The following RBM14 variants were observed in gnomAD, a reference collection of about 807,000 sequenced individuals.
RBM14 encodes RNA binding motif protein 14, also known as RNA-binding protein 14.
RBM14 carries 5 observed loss-of-function variants against 52.8 expected under a neutral mutation model. The observed-to-expected ratio is 0.09, with a 90% confidence interval of 0.05 to 0.20. RBM14 has a LOEUF of 0.20. Ranked by LOEUF, RBM14 falls within the 10% of genes least tolerant of loss-of-function variation. The pLI, the probability that RBM14 is intolerant of heterozygous loss-of-function variation, is 1.00. For missense variants in RBM14, 780 were observed against 926.6 expected (o/e 0.84, Z 2.05); for synonymous variants, 411 against 401.8 (o/e 1.02, Z -0.28).
Position 66,626,575 on chromosome 11 carries a change from C to T in RBM14, c.1917C>T (p.Pro639=), listed in dbSNP as rs776029598. Residue 639 remains proline, a synonymous_variant, in exon 3 of 3, where the codon CCC becomes CCT. Transcript: ENST00000310137. ...TKSSLDYRRL[P]DAHSDYARYS... is the part of the protein sequence containing the mutation. ...CCTCGCTGGATTACCGTCGCCTGCC[C>T]GATGCCCATTCCGATTACGCACGCT... 13 of 1,613,850 alleles carry T rather than the reference C, an allele frequency of 8.1e-6. No individual in the cohort carries two copies. Among genetic ancestry groups the T allele is most frequent in the Admixed American group, 3.3e-5 (2 of 60,012 alleles).
At position 66,625,001 on chromosome 11, in the gene RBM14, C is replaced by T. The variant is rs757435401; in HGVS notation, c.1125C>T (p.Gly375=). ...YNTQGAASSL[G]SYGAQAASYG... is the part of the protein sequence containing the mutation. ...CCCAGGGAGCAGCTTCCTCCTTAGGCTCCTACGGGGCTCAGGCAGCCTCCT... is the reference window on the plus strand; with the variant it reads ...CCCAGGGAGCAGCTTCCTCCTTAGGTTCCTACGGGGCTCAGGCAGCCTCCT... The change falls in exon 2 of 3, where the codon GGC becomes GGT. Residue 375 remains glycine (G), a synonymous_variant. Transcript: ENST00000310137. The surrounding 1 kb of genome is among the most constrained non-coding windows in gnomAD (Gnocchi z 4.2). 2 of 1,613,742 alleles carry T rather than the reference C, an allele frequency of 1.2e-6. No individual in the cohort carries two copies. Among genetic ancestry groups the T allele is most frequent in the South Asian group, 2.2e-5 (2 of 91,082 alleles).
rs1264924248 is a variant in RBM14 at position 66,629,531 on chromosome 11, CGGTT to C, written c.*2867_*2870del. ...TAAATTCTGCCACAGTCTGCACAGA[CGGTT>C]GGTCCTCCAGGCATATTGTCCTATT... On this transcript the variant is annotated 3_prime_UTR_variant, in exon 3 of 3. Transcript: ENST00000310137. Among the ~76,000 whole-genome samples, 3 of 152,288 alleles carry C rather than the reference CGGTT, an allele frequency of 2.0e-5. No individual in the cohort carries two copies. Among genetic ancestry groups the C allele is most frequent in the African/African-American group, 4.8e-5 (2 of 41,564 alleles).
chr11:66,626,542 G>A lies in RBM14; in HGVS notation c.1884G>A (p.Pro628=), dbSNP rs767025849. Residue 628 remains proline, a synonymous_variant, in exon 3 of 3, where the codon CCG becomes CCA. Transcript: ENST00000310137. The part of the protein sequence containing the change: ...SESQLSFRRS[P]TKSSLDYRRL... ...CGCAGCTTTCGTTCCGCCGCTCGCC[G>A]ACAAAGTCCTCGCTGGATTACCGTC... is the stretch of plus-strand genomic sequence containing the variant. 2.2e-5 allele frequency: 35 copies of A among 1,613,860 alleles called. No homozygotes were observed. Among genetic ancestry groups the A allele is most frequent in the Middle Eastern group, 1.6e-4 (1 of 6,084 alleles).
chr11:66,623,519 C>T (rs1859216690), intron 1 of RBM14, among the ~76,000 whole-genome samples: 3 of 152,196 alleles, frequency 2.0e-5, no homozygotes, highest in Non-Finnish European at 4.4e-5. Flanking sequence ...TATAAAAACT[C>T]TTGAGCATGT....
chr11:66,624,701 T>C lies in RBM14; in HGVS notation c.825T>C (p.Ala275=). The change falls in exon 2 of 3, where the codon GCT becomes GCC. Residue 275 remains alanine, a synonymous_variant. Coordinates refer to ENST00000310137, the MANE Select transcript of RBM14 (RefSeq NM_006328.4). The surrounding 1 kb of genome is among the most constrained non-coding windows in gnomAD (Gnocchi z 4.7). ...CAGCCCAGGCAGCCTCTTACCGCGC[T>C]CAGCCCTCTGTCTCCCTTGGGGCAC... The part of the protein sequence containing the change: ...PMTAQAASYR[A]QPSVSLGAPY... The C allele has an allele frequency of 6.2e-7, 1 of 1,613,294 alleles. No individual in the cohort carries two copies. Among genetic ancestry groups the C allele is most frequent in the Non-Finnish European group, 8.5e-7 (1 of 1,179,714 alleles).
chr11:66,617,604 A>T (rs760852966), intron 1 of RBM14: 87 of 979,768 alleles, frequency 8.9e-5, no homozygotes, highest in Non-Finnish European at 1.0e-4. Flanking sequence ...CTTGTCTGGC[A>T]TGGGTCTACT....
At position 66,625,326 on chromosome 11, in the gene RBM14, G is replaced by A; in HGVS notation, c.1450G>A (p.Gly484Ser). ...YGAQASMGLS[G>S]SYGAQSAAAA... ...GGCCCAAGCATCAATGGGCCTTTCA[G>A]GCTCCTATGGGGCTCAGTCGGCTGC... is the stretch of plus-strand genomic sequence containing the variant. The change falls in exon 2 of 3, where the codon GGC (glycine) becomes AGC (serine). Residue 484 changes from glycine to serine, a missense_variant. Physicochemically the swap from Gly to Ser is moderately conservative, Grantham distance 56 (BLOSUM62 0). This residue lies in a region of RBM14 where 675 missense variants were observed against 697.3 expected (regional missense o/e 0.97). Transcript: ENST00000310137. This position sits in a 1 kb window ranked among gnomAD's most constrained non-coding sequence, Gnocchi z 4.2. 6.2e-7 allele frequency: 1 copy of A among 1,609,800 alleles called. No homozygotes were observed. The highest frequency in any genetic ancestry group is 8.5e-7 in the Non-Finnish European group (1 of 1,178,202).
intron 1 of RBM14, chr11:66,620,810 C>G (rs1252417611): frequency 6.6e-6 from 1 of 151,864 alleles, no homozygotes; most frequent in Non-Finnish European, 1.5e-5. Context: ...ATAGAATAAT[C>G]AGGACTGTTA....
rs1937837770 is a variant in RBM14 at position 66,626,809 on chromosome 11, G to C, written c.*141G>C. ...CCTCTACCATGTGGGCCTTCCCCAG[G>C]AGATGATCCTGTTAAGTGTTCGGCA... On this transcript the variant is annotated 3_prime_UTR_variant, in exon 3 of 3. Transcript: ENST00000310137. The C allele has an allele frequency of 1.2e-6, 1 of 811,676 alleles. No individual in the cohort carries two copies. Among genetic ancestry groups the C allele is most frequent in the African/African-American group, 1.7e-5 (1 of 57,654 alleles). 50.3% of individuals were successfully genotyped at this position (811,676 alleles called of 1,614,324 possible).
In RBM14 at chr11:66,628,621, T is replaced by G. The variant is rs1937921919; in HGVS notation, c.*1953T>G. On this transcript the variant is annotated 3_prime_UTR_variant, in exon 3 of 3. Coordinates refer to ENST00000310137, the MANE Select transcript of RBM14 (RefSeq NM_006328.4). Reference sequence around the variant, plus strand: ...GCTTAGCTGCTCCTTTTTATTTCTTTGCAGGACTGGGAAAGCATGGGAGGA... The same window carrying G: ...GCTTAGCTGCTCCTTTTTATTTCTTGGCAGGACTGGGAAAGCATGGGAGGA... Among the ~76,000 whole-genome samples, 2 of 152,210 alleles carry G rather than the reference T, an allele frequency of 1.3e-5. No homozygotes were observed. Among genetic ancestry groups the G allele is most frequent in the Admixed American group, 6.5e-5 (1 of 15,280 alleles).
chr11:66,625,008 G>A lies in RBM14; in HGVS notation c.1132G>A (p.Gly378Arg), dbSNP rs143488712. ...AGCAGCTTCCTCCTTAGGCTCCTAC[G>A]GGGCTCAGGCAGCCTCCTATGGGGC... ...QGAASSLGSY[G>R]AQAASYGAQS... Residue 378 changes from glycine to arginine, a missense_variant, in exon 2 of 3, where the codon GGG (glycine) becomes AGG (arginine). Transcript: ENST00000310137. The surrounding 1 kb of genome is among the most constrained non-coding windows in gnomAD (Gnocchi z 4.2). 9.9e-6 allele frequency: 16 copies of A among 1,613,494 alleles called. No individual in the cohort carries two copies. Among genetic ancestry groups the A allele is most frequent in the African/African-American group, 4.0e-5 (3 of 74,804 alleles).
Position 66,624,923 on chromosome 11 carries a change from C to T in RBM14, c.1047C>T (p.Gly349=), listed in dbSNP as rs200623033. The T allele has an allele frequency of 8.2e-4, 1,317 of 1,613,916 alleles. 2 individuals are homozygous for T. The highest frequency in any genetic ancestry group is 1.9e-3 in the Admixed American group (113 of 60,002). ...ATGGTAACCAGCCATCCTCTTACGG[C>T]GCCCAGGCTGCCTCTTCCTATGGGG... ...ASYGNQPSSY[G]AQAASSYGVR... Residue 349 remains glycine (G), a synonymous_variant, in exon 2 of 3, where the codon GGC becomes GGT. Coordinates refer to ENST00000310137, the MANE Select transcript of RBM14 (RefSeq NM_006328.4). This position sits in a 1 kb window ranked among gnomAD's most constrained non-coding sequence, Gnocchi z 4.7.
rs779481640 is a variant in RBM14 at position 66,616,757 on chromosome 11, A to G, written c.37A>G (p.Thr13Ala). The G allele has an allele frequency of 3.1e-6, 5 of 1,601,634 alleles. No homozygotes were observed. In the South Asian group the frequency reaches 5.5e-5, roughly 18 times the overall value. The stretch of plus-strand genomic sequence containing the variant: ...CGTGGGCAACGTCGACGGGGCGGAT[A>G]CGACTCCGGAGGAGCTGGCAGCCCT... ...IFVGNVDGAD[T>A]TPEELAALFA... Residue 13 changes from threonine (T) to alanine (A), a missense_variant, in exon 1 of 3, where the codon ACG becomes GCG. By Grantham distance (58) the Thr-to-Ala change is moderately conservative. This residue lies in a region of RBM14 where 71 missense variants were observed against 119.2 expected (regional missense o/e 0.60). Coordinates refer to ENST00000310137, the MANE Select transcript of RBM14 (RefSeq NM_006328.4).
At position 66,626,786 on chromosome 11, in the gene RBM14, T is replaced by A; in HGVS notation, c.*118T>A. 9.8e-7 allele frequency: 1 copy of A among 1,016,420 alleles called. No homozygotes were observed. Among genetic ancestry groups the A allele is most frequent in the Non-Finnish European group, 1.4e-6 (1 of 713,440 alleles). The allele number at this position is 1,016,420 out of a possible 1,614,324, so 63.0% of individuals were successfully genotyped here. ...TTCCTGGTTGTGGTTTTTCATGCCC[T>A]CTACCATGTGGGCCTTCCCCAGGAG... On this transcript the variant is annotated 3_prime_UTR_variant, in exon 3 of 3. Transcript: ENST00000310137.
chr11:66,620,365 T>C (rs547077931), intron 1 of RBM14, among the ~76,000 whole-genome samples: 1 of 152,202 alleles, frequency 6.6e-6, no homozygotes, highest in South Asian at 2.1e-4. Context: ...TGGAGTGCAG[T>C]GGTGAGATCT....
chr11:66,629,934 A>AT (rs951477848), downstream of RBM14, among the ~76,000 whole-genome samples: 50 of 152,142 alleles, frequency 3.3e-4, no homozygotes, highest in African/African-American at 1.2e-3. Context: ...GAAAAAAAAA[A>AT]GCCAGCTGTG....
At position 66,616,974 on chromosome 11, in the gene RBM14, A is replaced by G. The variant is rs752003572; in HGVS notation, c.254A>G (p.Asn85Ser). 1 of 1,612,296 alleles carries G rather than the reference A, an allele frequency of 6.2e-7. No homozygotes were observed. Among genetic ancestry groups the G allele is most frequent in the South Asian group, 1.1e-5 (1 of 91,070 alleles). ...AATACTTGGAAGATTTTCGTGGGCA[A>G]TGTGTCGGCTGCATGCACGAGCCAG... ...PLNTWKIFVG[N>S]VSAACTSQEL... is the part of the protein sequence containing the mutation. The change falls in exon 1 of 3, where the codon AAT becomes AGT. Residue 85 changes from asparagine (N) to serine (S), a missense_variant. Asn to Ser is a conservative substitution (Grantham distance 46). Coordinates refer to ENST00000310137, the MANE Select transcript of RBM14 (RefSeq NM_006328.4).
In RBM14 at chr11:66,617,651, CT is replaced by C; in HGVS notation, c.337+596del. ...TTACACGTGGGTACGAGAGGGGCCCCTTCCGAATCACTTTGGCCTTTCAATA... is the reference window on the plus strand; with the variant it reads ...TTACACGTGGGTACGAGAGGGGCCCCTCCGAATCACTTTGGCCTTTCAATA... On this transcript the variant is annotated intron_variant, in intron 1 of 2. Coordinates refer to ENST00000310137, the MANE Select transcript of RBM14 (RefSeq NM_006328.4). 3 of 796,794 alleles carry C rather than the reference CT, an allele frequency of 3.8e-6. No individual in the cohort carries two copies. The African/African-American group carries it at 5.6e-5, about 15-fold the overall frequency. 49.4% of individuals were successfully genotyped at this position (796,794 alleles called of 1,614,324 possible).
intron 1 of RBM14, among the ~76,000 whole-genome samples, chr11:66,618,257 C>G (rs1858936904): frequency 6.6e-6 from 1 of 152,140 alleles, no homozygotes; most frequent in East Asian, 1.9e-4. Context: ...TGATGCCCTA[C>G]TCCTGGTGGG....
Sources: gnomAD v4.1 joint callset for allele counts (sites outside exome capture counted in the v4.1 genomes callset) on GRCh38, gnomAD v4.1.1 for gene constraint, gnomAD v4.1.1 regional missense constraint, Gnocchi (gnomAD v3.1) non-coding constraint, MANE v1.5 for transcripts, NCBI Gene and HGNC (gene_info 2026-07-23, HGNC 2026-07-21) for gene names.